Variants in LHFPL3 observed in about 807,000 individuals in gnomAD.
The protein encoded by LHFPL3 is LHFPL tetraspan subfamily member 3 protein.
LHFPL3 carries 5 observed loss-of-function variants against 19.3 expected under a neutral mutation model. That is an observed-to-expected ratio of 0.26 (90% CI 0.14 to 0.54). The LOEUF is 0.54. Ranked by LOEUF, LHFPL3 falls within the 20% of genes least tolerant of loss-of-function variation. The pLI, the probability that LHFPL3 is intolerant of heterozygous loss-of-function variation, is 0.94. For missense variants in LHFPL3, 249 were observed against 307.4 expected (o/e 0.81, Z 1.42); for synonymous variants, 133 against 126.2 (o/e 1.05, Z -0.36).
chr7:104,471,183 A>G (rs1360519806), intron 1 of LHFPL3, among the ~76,000 whole-genome samples: 2 of 152,180 alleles, frequency 1.3e-5, no homozygotes, highest in South Asian at 4.1e-4. Context: ...TATATTTTCT[A>G]TGTGTTGGTG....
At chr7:104,773,062 C>A (rs1301930822) in intron 2 of LHFPL3, among the ~76,000 whole-genome samples, 2 of 152,140 alleles carry the variant, frequency 1.3e-5, no homozygotes, top group Non-Finnish European at 2.9e-5. Flanking sequence ...TGGGCTTTCC[C>A]CTGTAGTATT....
chr7:104,783,556 G>A (rs1410914705), intron 2 of LHFPL3, among the ~76,000 whole-genome samples: 3 of 152,160 alleles, frequency 2.0e-5, no homozygotes, highest in Admixed American at 6.5e-5. Flanking sequence ...ATGCACCGAC[G>A]ATATTTGTAA....
intron 1 of LHFPL3, among the ~76,000 whole-genome samples, chr7:104,502,484 G>A (rs1793616299): frequency 6.6e-6 from 1 of 152,182 alleles, no homozygotes; most frequent in Non-Finnish European, 1.5e-5. Context: ...GTATAGAAAT[G>A]GCATCTACAT....
At chr7:104,614,289 T>C (rs1291876610) in intron 1 of LHFPL3, among the ~76,000 whole-genome samples, 1 of 152,096 alleles carries the variant, frequency 6.6e-6, no homozygotes. Context: ...ATTATTTGAG[T>C]TTCTAAGAAT....
chr7:104,860,172 ACC>A (rs1562817107), intron 2 of LHFPL3, among the ~76,000 whole-genome samples: 3 of 82,474 alleles, frequency 3.6e-5, no homozygotes, highest in Admixed American at 2.7e-4. Context: ...ACACACATAC[ACC>A]CACCCACACA....
At chr7:104,867,965 C>T (rs1405275491) in intron 2 of LHFPL3, among the ~76,000 whole-genome samples, 1 of 152,112 alleles carries the variant, frequency 6.6e-6, no homozygotes, top group Non-Finnish European at 1.5e-5. Context: ...TAAACAGAAC[C>T]AACGACAAAA....
At chr7:104,879,474 C>T (rs1294120069) in intron 2 of LHFPL3, among the ~76,000 whole-genome samples, 2 of 152,066 alleles carry the variant, frequency 1.3e-5, no homozygotes, top group Admixed American at 1.3e-4. Flanking sequence ...AATCCCAGTG[C>T]TTTGAGAGTC....
intron 1 of LHFPL3, among the ~76,000 whole-genome samples, chr7:104,431,097 TA>T (rs1289583645): frequency 9.9e-5 from 15 of 152,192 alleles, no homozygotes; most frequent in Non-Finnish European, 1.9e-4. Flanking sequence ...TTCACCTACT[TA>T]TTGTTTTTTC....
intron 1 of LHFPL3, among the ~76,000 whole-genome samples, chr7:104,639,460 T>A (rs1226409893): frequency 6.6e-6 from 1 of 152,196 alleles, no homozygotes; most frequent in Non-Finnish European, 1.5e-5. Flanking sequence ...ATTATTTAGA[T>A]CTTCCCTCTT....
chr7:104,516,509 T>G (rs1277605641), intron 1 of LHFPL3, among the ~76,000 whole-genome samples: 2 of 152,024 alleles, frequency 1.3e-5, no homozygotes. Flanking sequence ...TTGCCAAAAT[T>G]AATTAATTTG....
chr7:104,727,864 T>C (rs1438240366), intron 1 of LHFPL3, among the ~76,000 whole-genome samples: 5 of 152,114 alleles, frequency 3.3e-5, no homozygotes, highest in African/African-American at 7.2e-5. Flanking sequence ...TAATGTCCAG[T>C]AGGGAGCCAG....
intron 1 of LHFPL3, among the ~76,000 whole-genome samples, chr7:104,429,351 A>C (rs1333966145): frequency 8.3e-6 from 1 of 120,094 alleles, no homozygotes; most frequent in East Asian, 2.6e-4. Flanking sequence ...CTTGTTGCCG[A>C]GGCTGGAGTG....
At chr7:104,578,552 A>T (rs1344875471) in intron 1 of LHFPL3, among the ~76,000 whole-genome samples, 2 of 152,176 alleles carry the variant, frequency 1.3e-5, no homozygotes. Flanking sequence ...ACATTATATT[A>T]TATCATGGCA....
chr7:104,449,416 A>C (rs1251496604), intron 1 of LHFPL3, among the ~76,000 whole-genome samples: 1 of 152,212 alleles, frequency 6.6e-6, no homozygotes, highest in Non-Finnish European at 1.5e-5. Context: ...ATACTGAGCC[A>C]ATTTCTAAAT....
At chr7:104,536,919 TCTC>T (rs1371711143) in intron 1 of LHFPL3, among the ~76,000 whole-genome samples, 3 of 152,172 alleles carry the variant, frequency 2.0e-5, no homozygotes, top group Admixed American at 6.5e-5. Flanking sequence ...TCATCCTCCT[TCTC>T]CTATATTCTT....
chr7:104,398,781 T>G (rs141618354), intron 1 of LHFPL3, among the ~76,000 whole-genome samples: 4 of 152,288 alleles, frequency 2.6e-5, no homozygotes, highest in Non-Finnish European at 5.9e-5. Flanking sequence ...GCACTCTCAC[T>G]CTTCTGTTCT....
At chr7:104,681,166 T>A (rs1316331579) in intron 1 of LHFPL3, among the ~76,000 whole-genome samples, 5 of 150,702 alleles carry the variant, frequency 3.3e-5, no homozygotes, top group Non-Finnish European at 7.4e-5. Flanking sequence ...TTTTTTTTTT[T>A]TTTTTGTTAG....
chr7:104,901,315 G>C (rs1259522852), intron 2 of LHFPL3, among the ~76,000 whole-genome samples: 1 of 152,212 alleles, frequency 6.6e-6, no homozygotes, highest in African/African-American at 2.4e-5. Flanking sequence ...GGGAGTGGTT[G>C]TGTTCTGATC....
rs538775688 is a variant in LHFPL3, at chr7:104,828,152, G to A, written c.683-78035G>A. Reference sequence around the variant, plus strand: ...ACCCTCTCCAGCTCACTCCCGCCATGCCTGACTCATAAATTGGCCATGGAG... The same window carrying A: ...ACCCTCTCCAGCTCACTCCCGCCATACCTGACTCATAAATTGGCCATGGAG... On this transcript the variant is annotated intron_variant, in intron 2 of 2. Transcript: ENST00000424859. Among the ~76,000 whole-genome samples the A allele has an allele frequency of 3.9e-5, 6 of 152,060 alleles. 1 individual carries two copies. The South Asian group carries it at 1.2e-3, about 31-fold the overall frequency.
Sources: gnomAD v4.1 joint callset for allele counts (sites outside exome capture counted in the v4.1 genomes callset) on GRCh38, gnomAD v4.1.1 for gene constraint, MANE v1.5 for transcripts, NCBI Gene and HGNC (gene_info 2026-07-23, HGNC 2026-07-21) for gene names.